Variants in CLMN observed in about 807,000 individuals in gnomAD.
CLMN encodes calmin, also known as calmin (calponin-like, transmembrane).
Under a neutral mutation model 92.7 loss-of-function variants are expected in CLMN, and 57 were observed. The observed-to-expected ratio is 0.61, with a 90% CI of 0.50 to 0.77. The LOEUF (loss-of-function observed/expected upper bound fraction) is 0.77. Among genes scored for constraint, CLMN ranks in the 30% least tolerant of loss-of-function variants. The pLI is 0.00. For synonymous variants in CLMN, 466 were observed against 470.6 expected (o/e 0.99, Z 0.13); for missense variants, 1,158 against 1,237.5 (o/e 0.94, Z 0.96).
intron 8 of CLMN, among the ~76,000 whole-genome samples, chr14:95,205,733 A>G (rs1170653079): frequency 1.3e-5 from 2 of 152,144 alleles, no homozygotes; most frequent in African/African-American, 4.8e-5. Context: ...TACTTGAAGT[A>G]GTATATTAAT....
chr14:95,274,745 C>T (rs1899856874), intron 1 of CLMN, among the ~76,000 whole-genome samples: 1 of 152,156 alleles, frequency 6.6e-6, no homozygotes. Flanking sequence ...CTTTGGGAGG[C>T]CAAAGCGGGC....
At chr14:95,239,080 AT>A (rs11343815) in intron 1 of CLMN, among the ~76,000 whole-genome samples, 20,728 of 152,200 alleles carry the variant, frequency 0.14, 2,468 homozygotes, top group African/African-American at 0.31. Context: ...CCAGCCAGCC[AT>A]TAAAAACACA....
intron 1 of CLMN, among the ~76,000 whole-genome samples, chr14:95,308,249 C>T (rs1174014339): frequency 1.3e-5 from 2 of 152,352 alleles, no homozygotes; most frequent in South Asian, 2.1e-4. Context: ...CTAAACAGAA[C>T]CAGCTGGGCC....
At chr14:95,200,018 T>A (rs974100813) in intron 9 of CLMN, among the ~76,000 whole-genome samples, 2 of 151,490 alleles carry the variant, frequency 1.3e-5, no homozygotes, top group African/African-American at 4.9e-5. Context: ...TTTAGGGTCA[T>A]CCCTCTGCAA....
At chr14:95,297,952 G>A (rs1359870475) in intron 1 of CLMN, among the ~76,000 whole-genome samples, 3 of 152,148 alleles carry the variant, frequency 2.0e-5, no homozygotes, top group Admixed American at 6.5e-5. Flanking sequence ...GAGGCTGTAT[G>A]GTAGAGTATG....
chr14:95,219,915 CCTCT>C (rs1272319062), intron 4 of CLMN, among the ~76,000 whole-genome samples: 4 of 152,140 alleles, frequency 2.6e-5, no homozygotes, highest in African/African-American at 9.7e-5. Flanking sequence ...ACATTTTCAT[CCTCT>C]CTAAAAGAAA....
chr14:95,216,026 G>T (rs1016133076), intron 4 of CLMN, among the ~76,000 whole-genome samples: 1 of 152,110 alleles, frequency 6.6e-6, no homozygotes, highest in African/African-American at 2.4e-5. Context: ...TATGATGTAG[G>T]TGTATTAGTC....
At chr14:95,219,634 GC>G (rs751485227) in intron 4 of CLMN, among the ~76,000 whole-genome samples, 30 of 152,122 alleles carry the variant, frequency 2.0e-4, no homozygotes, top group Non-Finnish European at 4.4e-4. Flanking sequence ...GATGCCATTT[GC>G]CTACAGTTCC....
At chr14:95,236,033 G>A (rs1435086650) in intron 1 of CLMN, among the ~76,000 whole-genome samples, 2 of 152,172 alleles carry the variant, frequency 1.3e-5, no homozygotes, top group Admixed American at 6.5e-5. Context: ...CCTGCCAACC[G>A]GGGCAGTGAA....
At chr14:95,304,487 C>T (rs550439543) in intron 1 of CLMN, among the ~76,000 whole-genome samples, 45 of 152,146 alleles carry the variant, frequency 3.0e-4, no homozygotes, top group African/African-American at 1.1e-3. Context: ...TGCAGGGATG[C>T]ACTAAGAGGA....
At position 95,203,693 on chromosome 14, in the gene CLMN, C is replaced by G; in HGVS notation, c.1656G>C (p.Glu552Asp). The part of the protein sequence containing the change: ...VNLMTVEALE[E>D]GDYFEAIPLK... ...ATGGGATGGCTTCAAAATAGTCTCCCTCCTCTAAAGCTTCTACAGTCATCA... is the reference window on the plus strand; with the variant it reads ...ATGGGATGGCTTCAAAATAGTCTCCGTCCTCTAAAGCTTCTACAGTCATCA... The change falls in exon 9 of 13, where the codon GAG becomes GAC. Residue 552 changes from glutamate to aspartate, a missense_variant. Glu to Asp is a conservative substitution (Grantham distance 45). Transcript: ENST00000298912. 2 of 1,614,156 alleles carry G rather than the reference C, an allele frequency of 1.2e-6. No individual in the cohort carries two copies. The highest frequency in any genetic ancestry group is 1.7e-6 in the Non-Finnish European group (2 of 1,180,022).
chr14:95,221,346 A>G (rs1280308629), intron 4 of CLMN, among the ~76,000 whole-genome samples: 1 of 152,078 alleles, frequency 6.6e-6, no homozygotes, highest in Non-Finnish European at 1.5e-5. Context: ...AAAGTTCTAC[A>G]CTCGGACATG....
chr14:95,235,682 T>C (rs993110054), intron 1 of CLMN, among the ~76,000 whole-genome samples: 2 of 152,172 alleles, frequency 1.3e-5, no homozygotes, highest in African/African-American at 4.8e-5. Flanking sequence ...AGAATCTGAT[T>C]CTCATGAGAG....
chr14:95,224,264 A>G (rs896103211), intron 2 of CLMN, among the ~76,000 whole-genome samples: 11 of 149,440 alleles, frequency 7.4e-5, no homozygotes, highest in Non-Finnish European at 1.5e-4. Flanking sequence ...CAAGCCCTTC[A>G]TTTTATTTAT....
chr14:95,210,717 G>T lies in CLMN; in HGVS notation c.771C>A (p.Ala257=), dbSNP rs778953383. Residue 257 remains alanine, a synonymous_variant, in exon 7 of 13, where the codon GCC becomes GCA. Coordinates refer to ENST00000298912, the MANE Select transcript of CLMN (RefSeq NM_024734.4). Reference sequence around the variant, plus strand: ...GCTCCAGGAGCCTGGGGATGTGCAGGGCATCCTGTGCGATGCTGAAAGCCT... The same window carrying T: ...GCTCCAGGAGCCTGGGGATGTGCAGTGCATCCTGTGCGATGCTGAAAGCCT... ...LEKAFSIAQD[A]LHIPRLLEPE... The T allele has an allele frequency of 1.9e-6, 3 of 1,608,496 alleles. No individual in the cohort carries two copies. The South Asian group carries it at 3.3e-5, about 18-fold the overall frequency.
rs1479589087 is a variant in CLMN, at chr14:95,187,067, T to G, written c.*4497A>C. 3 of 152,236 alleles carry G rather than the reference T, an allele frequency of 2.0e-5. No individual in the cohort carries two copies. Among genetic ancestry groups the G allele is most frequent in the African/African-American group, 7.2e-5 (3 of 41,456 alleles). 9.4% of individuals were successfully genotyped at this position (152,236 alleles called of 1,614,324 possible). A position where few individuals can be genotyped will look rare whatever the true frequency, so the allele number is the denominator to read the frequency against. On this transcript the variant is annotated 3_prime_UTR_variant, in exon 13 of 13. Transcript: ENST00000298912. ...CATGCTATGTATCCCTCTCCTGCACTTGGCACAGCATTACACAAAATCACT... is the reference window on the plus strand; with the variant it reads ...CATGCTATGTATCCCTCTCCTGCACGTGGCACAGCATTACACAAAATCACT...
chr14:95,183,576 T>G lies in CLMN; in HGVS notation c.*7988A>C, dbSNP rs1288965344. ...ACTGCCCTCAGGCCTTCTCTACTTT[T>G]CTTTTTGAAGGAGAAAGCCCAATTT... On this transcript the variant is annotated 3_prime_UTR_variant, in exon 13 of 13. Transcript: ENST00000298912. The G allele has an allele frequency of 6.6e-6, 1 of 152,230 alleles. No individual in the cohort carries two copies. The highest frequency in any genetic ancestry group is 1.5e-5 in the Non-Finnish European group (1 of 68,034). The allele number at this position is 152,230 out of a possible 1,614,324, so 9.4% of individuals were successfully genotyped here.
At chr14:95,298,977 C>G (rs1900925772) in intron 1 of CLMN, among the ~76,000 whole-genome samples, 1 of 152,202 alleles carries the variant, frequency 6.6e-6, no homozygotes, top group African/African-American at 2.4e-5. Flanking sequence ...CCACAGAAAG[C>G]CACTTCCAGT....
At chr14:95,296,630 CCTT>C (rs764129252) in intron 1 of CLMN, among the ~76,000 whole-genome samples, 2 of 152,210 alleles carry the variant, frequency 1.3e-5, no homozygotes, top group African/African-American at 4.8e-5. Flanking sequence ...GCCCTTTGAT[CCTT>C]CTTCATCATC....
Sources: allele counts gnomAD v4.1 joint callset (sites outside exome capture counted in the v4.1 genomes callset), GRCh38; gene constraint gnomAD v4.1.1; transcripts MANE v1.5; gene names NCBI Gene and HGNC (gene_info 2026-07-23, HGNC 2026-07-21).